CSPG5: variants seen among roughly 807,000 people sequenced by gnomAD.
CSPG5 encodes chondroitin sulfate proteoglycan 5.
CSPG5 carries 25 observed loss-of-function variants against 39.8 expected under a neutral mutation model. The observed-to-expected ratio is 0.63, with a 90% CI of 0.46 to 0.88. CSPG5 has a LOEUF of 0.88. Ranked by LOEUF, CSPG5 falls within the 40% of genes least tolerant of loss-of-function variation. The pLI, the probability that CSPG5 is intolerant of heterozygous loss-of-function variation, is 0.00. For missense variants in CSPG5, 627 were observed against 702.2 expected, an observed-to-expected ratio of 0.89 and a Z score of 1.21; for synonymous variants, 295 against 303.9, an observed-to-expected ratio of 0.97 and a Z score of 0.31.
chr3:47,576,022 C>G (rs1361705532), intron 2 of CSPG5, among the ~76,000 whole-genome samples: 7 of 149,490 alleles, frequency 4.7e-5, no homozygotes, highest in Non-Finnish European at 1.0e-4. Flanking sequence ...ACTGCAACGT[C>G]CACCTCCTGG....
intron 4 of CSPG5, among the ~76,000 whole-genome samples, chr3:47,563,886 A>C (rs186837061): frequency 6.6e-5 from 10 of 152,344 alleles, no homozygotes; most frequent in South Asian, 4.1e-4. Context: ...CAGGAAGCTC[A>C]CACTAGCACA....
chr3:47,565,311 C>T (rs1338110051), intron 4 of CSPG5, among the ~76,000 whole-genome samples: 1 of 152,154 alleles, frequency 6.6e-6, no homozygotes, highest in Non-Finnish European at 1.5e-5. Context: ...CTGAATACCT[C>T]CAACAAACAC....
rs1029451028 is a variant in CSPG5, at chr3:47,572,392, T to C, written c.1382+294A>G. Among the ~76,000 whole-genome samples, 2 of 152,196 alleles carry C rather than the reference T, an allele frequency of 1.3e-5. No homozygotes were observed. Among genetic ancestry groups the C allele is most frequent in the Non-Finnish European group, 2.9e-5 (2 of 68,030 alleles). On this transcript the variant is annotated intron_variant, in intron 3 of 4. Coordinates refer to ENST00000264723, the MANE Select transcript of CSPG5 (RefSeq NM_006574.4). This position sits in a 1 kb window ranked among gnomAD's most constrained non-coding sequence, Gnocchi z 4.5. ...GGGGACTAGAGGAGGAGTAGCTACA[T>C]GCTGGCTGCCTTTTTCACAGCAGGC...
At chr3:47,576,123 G>C (rs2031718602) in intron 2 of CSPG5, among the ~76,000 whole-genome samples, 1 of 151,952 alleles carries the variant, frequency 6.6e-6, no homozygotes, top group African/African-American at 2.4e-5. Context: ...TTTTAGTAGA[G>C]ACAGGGTTTC....
chr3:47,565,816 G>C (rs2031275559), intron 4 of CSPG5, among the ~76,000 whole-genome samples: 1 of 152,238 alleles, frequency 6.6e-6, no homozygotes, highest in Non-Finnish European at 1.5e-5. Context: ...AGGACCATCA[G>C]GGCAGCCCAG....
intron 2 of CSPG5, among the ~76,000 whole-genome samples, chr3:47,575,401 C>T (rs938470998): frequency 6.6e-6 from 1 of 152,200 alleles, no homozygotes; most frequent in African/African-American, 2.4e-5. Context: ...CTGATCACCC[C>T]ACCCTGGGAT....
chr3:47,562,567 C>A lies in CSPG5; in HGVS notation c.*33G>T. 1 of 1,581,170 alleles carries A rather than the reference C, an allele frequency of 6.3e-7. No individual in the cohort carries two copies. The highest frequency in any genetic ancestry group is 1.1e-5 in the South Asian group (1 of 88,852). On this transcript the variant is annotated 3_prime_UTR_variant, in exon 5 of 5. Transcript: ENST00000264723. ...AATGTTTCTTCCCCTACCCCCCACC[C>A]ACTACCCCCGCTTCCTCTCTTCTTG...
intron 4 of CSPG5, 159 bp downstream of exon 4, chr3:47,568,993 A>G: frequency 5.3e-6 from 7 of 1,319,416 alleles, no homozygotes; most frequent in Non-Finnish European, 7.0e-6. Flanking sequence ...TGGGGATTTC[A>G]TATTCTGAAA....
chr3:47,568,369 G>C (rs1259750361), intron 4 of CSPG5, among the ~76,000 whole-genome samples: 1 of 152,172 alleles, frequency 6.6e-6, no homozygotes, highest in East Asian at 1.9e-4. Flanking sequence ...CACTAGGCCA[G>C]GGTCTTTAGA....
At position 47,569,065 on chromosome 3, in the gene CSPG5, AG is replaced by A. The variant is rs368753280; in HGVS notation, c.1458+86del. ...TAAGAGGAGAGATGTGAAGAAAACAAGTTACCTGACAGATAACGTTATCATA... is the reference window on the plus strand; with the variant it reads ...TAAGAGGAGAGATGTGAAGAAAACAATTACCTGACAGATAACGTTATCATA... On this transcript the variant is annotated intron_variant, in intron 4 of 4. Coordinates refer to ENST00000264723, the MANE Select transcript of CSPG5 (RefSeq NM_006574.4). The A allele has an allele frequency of 4.7e-4, 704 of 1,495,462 alleles. 2 individuals are homozygous for A. In the Middle Eastern group the frequency reaches 0.018, roughly 37 times the overall value. 92.6% of individuals were successfully genotyped at this position (1,495,462 alleles called of 1,614,324 possible).
intron 4 of CSPG5, among the ~76,000 whole-genome samples, chr3:47,563,896 A>G (rs952333205): frequency 2.6e-5 from 4 of 152,202 alleles, no homozygotes; most frequent in East Asian, 1.9e-4. Context: ...ACACTAGCAC[A>G]TAGTCCTCCA....
chr3:47,570,269 A>ATT (rs36030946), intron 3 of CSPG5, among the ~76,000 whole-genome samples: 46 of 136,522 alleles, frequency 3.4e-4, no homozygotes, highest in Admixed American at 2.6e-3. Context: ...TCTTAAAACA[A>ATT]TTTTTTTTTT....
In CSPG5 at chr3:47,577,986, G is replaced by C. The variant is rs2031837418; in HGVS notation, c.98-58C>G. 3 of 1,365,852 alleles carry C rather than the reference G, an allele frequency of 2.2e-6. No homozygotes were observed. The highest frequency in any genetic ancestry group is 2.8e-6 in the Non-Finnish European group (3 of 1,068,370). 84.6% of individuals were successfully genotyped at this position (1,365,852 alleles called of 1,614,324 possible). A position where few individuals can be genotyped will look rare whatever the true frequency, so the allele number is the denominator to read the frequency against. On this transcript the variant is annotated intron_variant, in intron 1 of 4. Transcript: ENST00000264723. The surrounding 1 kb of genome is among the most constrained non-coding windows in gnomAD (Gnocchi z 4.7). ...GGGCGGCGCGCTGAGGAGCCCTGGA[G>C]CCCCGGCCCGCCCCGGTCAGGCCCG...
Position 47,577,805 on chromosome 3 carries a change from G to C in CSPG5, c.221C>G (p.Ser74Trp). Reference sequence around the variant, plus strand: ...CAGCTCGCCACCGGGCGCCGTCCACGACGCCTCATCTTCCCCAGCCGCTGG... The same window carrying C: ...CAGCTCGCCACCGGGCGCCGTCCACCACGCCTCATCTTCCCCAGCCGCTGG... Reference protein sequence around the residue: ...GPPAAGEDEASWTAPGGELAG... With the variant: ...GPPAAGEDEAWWTAPGGELAG... Residue 74 changes from serine (S) to tryptophan (W), a missense_variant, in exon 2 of 5, where the codon TCG (serine) becomes TGG (tryptophan). Coordinates refer to ENST00000264723, the MANE Select transcript of CSPG5 (RefSeq NM_006574.4). The surrounding 1 kb of genome is among the most constrained non-coding windows in gnomAD (Gnocchi z 4.7). The C allele has an allele frequency of 1.9e-6, 3 of 1,581,346 alleles. No homozygotes were observed. The South Asian group carries it at 3.4e-5, about 18-fold the overall frequency.
intron 4 of CSPG5, among the ~76,000 whole-genome samples, chr3:47,565,800 G>A (rs972574730): frequency 1.3e-5 from 2 of 152,230 alleles, no homozygotes; most frequent in African/African-American, 2.4e-5. Flanking sequence ...CGACAGCACC[G>A]TTGTGAGGAC....
At position 47,562,728 on chromosome 3, in the gene CSPG5, C is replaced by A. The variant is rs759252516; in HGVS notation, c.1492G>T (p.Val498Phe). 1 of 1,613,888 alleles carries A rather than the reference C, an allele frequency of 6.2e-7. No homozygotes were observed. The highest frequency in any genetic ancestry group is 8.5e-7 in the Non-Finnish European group (1 of 1,179,970). Residue 498 changes from valine (V) to phenylalanine (F), a missense_variant, in exon 5 of 5, where the codon GTT becomes TTT. Coordinates refer to ENST00000264723, the MANE Select transcript of CSPG5 (RefSeq NM_006574.4). ...DPSAPHKIQE[V>F]LKSCLKEEES... ...TCCTCTTTCAGGCAGGACTTGAGAA[C>A]CTCCTGGATTTTGTGGGGAGCACTA...
chr3:47,578,678 C>T lies in CSPG5; in HGVS notation c.16G>A (p.Gly6Ser). MGRAG[G>S]GGPGRGPPPL... ...GGCGGCCCCCGGCCCGGGCCCCCGC[C>T]CCCGGCTCGCCCCATGGCGCGGCGC... Residue 6 changes from glycine to serine, a missense_variant, in exon 1 of 5, where the codon GGC (glycine) becomes AGC (serine). By Grantham distance (56) the Gly-to-Ser change is moderately conservative. Transcript: ENST00000264723. The surrounding 1 kb of genome is among the most constrained non-coding windows in gnomAD (Gnocchi z 6.0). 2 of 1,049,040 alleles carry T rather than the reference C, an allele frequency of 1.9e-6. No individual in the cohort carries two copies. The highest frequency in any genetic ancestry group is 2.3e-6 in the Non-Finnish European group (2 of 858,464). 65.0% of individuals were successfully genotyped at this position (1,049,040 alleles called of 1,614,324 possible).
intron 4 of CSPG5, among the ~76,000 whole-genome samples, chr3:47,564,335 G>T (rs1576367413): frequency 6.6e-6 from 1 of 152,152 alleles, no homozygotes; most frequent in East Asian, 1.9e-4. Context: ...GGCTTTCCAT[G>T]GTTCTTGTAC....
chr3:47,563,540 T>C (rs1413919918), intron 4 of CSPG5, among the ~76,000 whole-genome samples: 1 of 152,184 alleles, frequency 6.6e-6, no homozygotes, highest in Non-Finnish European at 1.5e-5. Flanking sequence ...TATGTATTTA[T>C]GTATTTATTG....
Sources: allele counts gnomAD v4.1 joint callset (sites outside exome capture counted in the v4.1 genomes callset), GRCh38; gene constraint gnomAD v4.1.1; non-coding constraint Gnocchi (gnomAD v3.1); transcripts MANE v1.5; gene names NCBI Gene and HGNC (gene_info 2026-07-23, HGNC 2026-07-21).